RELN: variants seen among roughly 807,000 people sequenced by gnomAD.
RELN encodes reelin.
Under a neutral mutation model 427.6 loss-of-function variants are expected in RELN, and 108 were observed. That is an observed-to-expected ratio of 0.25 (90% CI 0.22 to 0.30). The LOEUF is 0.30. Among genes scored for constraint, RELN ranks in the 10% least tolerant of loss-of-function variants. The pLI, the probability that RELN is intolerant of heterozygous loss-of-function variation, is 1.00. For missense variants in RELN, 3,715 were observed against 4,302.8 expected (o/e 0.86, Z 3.82); for synonymous variants, 1,524 against 1,513.4 (o/e 1.01, Z -0.16).
chr7:103,728,494 C>A (rs1790269814), intron 6 of RELN, among the ~76,000 whole-genome samples: 1 of 152,060 alleles, frequency 6.6e-6, no homozygotes, highest in African/African-American at 2.4e-5. Flanking sequence ...TGATCTAAAT[C>A]TCACATAGTT....
intron 12 of RELN, among the ~76,000 whole-genome samples, chr7:103,655,111 C>A (rs78690424): frequency 6.6e-6 from 1 of 151,946 alleles, no homozygotes; most frequent in Non-Finnish European, 1.5e-5. Context: ...CACGCCTAGT[C>A]CCAGTCAACA....
chr7:103,880,552 G>A (rs928438183), intron 2 of RELN, among the ~76,000 whole-genome samples: 1 of 152,152 alleles, frequency 6.6e-6, no homozygotes, highest in African/African-American at 2.4e-5. Context: ...TTAAGAGCAC[G>A]AGCTCTGACA....
At chr7:103,965,810 A>G (rs1276862477) in intron 1 of RELN, among the ~76,000 whole-genome samples, 1 of 152,186 alleles carries the variant, frequency 6.6e-6, no homozygotes, top group Non-Finnish European at 1.5e-5. Flanking sequence ...AAAAGATTTT[A>G]TTTTATACCC....
intron 2 of RELN, among the ~76,000 whole-genome samples, chr7:103,855,792 A>G (rs975982137): frequency 2.0e-5 from 3 of 152,114 alleles, no homozygotes; most frequent in African/African-American, 7.2e-5. Context: ...CCATCTTAAC[A>G]TGGCATTCTC....
At chr7:103,740,071 G>A (rs999234119) in intron 6 of RELN, among the ~76,000 whole-genome samples, 1 of 152,072 alleles carries the variant, frequency 6.6e-6, no homozygotes, top group Non-Finnish European at 1.5e-5. Flanking sequence ...GGGACCAGAG[G>A]TGCATCCTCA....
intron 6 of RELN, among the ~76,000 whole-genome samples, chr7:103,738,061 G>C (rs1790538835): frequency 6.7e-6 from 1 of 149,816 alleles, no homozygotes; most frequent in Non-Finnish European, 1.5e-5. Flanking sequence ...GGACATCTCT[G>C]CTATTATTAT....
chr7:103,898,396 A>G lies in RELN; in HGVS notation c.337+18679T>C, dbSNP rs145238357. 2.5e-3 allele frequency among the ~76,000 whole-genome samples: 373 copies of G among 152,168 alleles called. 2 individuals carry two copies. The highest frequency in any genetic ancestry group is 8.5e-3 in the African/African-American group (355 of 41,540). On this transcript the variant is annotated intron_variant, in intron 2 of 64. Transcript: ENST00000428762. Reference sequence around the variant, plus strand: ...AAATTTTTCAAAATTTTCCTATCATAGTGTTTTGATGAACAATGATATACA... The same window carrying G: ...AAATTTTTCAAAATTTTCCTATCATGGTGTTTTGATGAACAATGATATACA...
chr7:103,915,177 G>C (rs529489796), intron 2 of RELN, among the ~76,000 whole-genome samples: 1 of 151,844 alleles, frequency 6.6e-6, no homozygotes, highest in Non-Finnish European at 1.5e-5. Context: ...CTTTCCTTTG[G>C]GTATGCTGTG....
At chr7:103,490,184 C>T (rs902711993) in intron 59 of RELN, among the ~76,000 whole-genome samples, 6 of 152,290 alleles carry the variant, frequency 3.9e-5, no homozygotes, top group African/African-American at 1.4e-4. Flanking sequence ...ACAGGTGTAT[C>T]GTTTTCCAAA....
intron 40 of RELN, among the ~76,000 whole-genome samples, chr7:103,552,957 TATTA>T (rs1482696490): frequency 2.0e-5 from 3 of 152,120 alleles, no homozygotes; most frequent in African/African-American, 7.2e-5. Flanking sequence ...TTATGTTAAT[TATTA>T]ATTTGCTCTC....
At chr7:103,894,066 G>C (rs777565062) in intron 2 of RELN, among the ~76,000 whole-genome samples, 1 of 151,984 alleles carries the variant, frequency 6.6e-6, no homozygotes, top group Non-Finnish European at 1.5e-5. Context: ...TGTTAAATGC[G>C]CATGTACAAC....
At chr7:103,910,097 G>A (rs1295584193) in intron 2 of RELN, among the ~76,000 whole-genome samples, 5 of 124,040 alleles carry the variant, frequency 4.0e-5, no homozygotes, top group African/African-American at 1.3e-4. Context: ...TTGAGCAGTG[G>A]TTTGTAGTTC....
intron 41 of RELN, among the ~76,000 whole-genome samples, chr7:103,550,273 A>G (rs1830383598): frequency 6.6e-6 from 1 of 152,206 alleles, no homozygotes; most frequent in Non-Finnish European, 1.5e-5. Context: ...TGAAGACTCA[A>G]GACTTCTAAT....
chr7:103,567,977 T>C (rs539959590), intron 31 of RELN, among the ~76,000 whole-genome samples: 11 of 152,092 alleles, frequency 7.2e-5, no homozygotes, highest in Non-Finnish European at 1.5e-4. Flanking sequence ...TTGTACTTTT[T>C]GTAAAGACGG....
intron 3 of RELN, among the ~76,000 whole-genome samples, chr7:103,793,061 A>G (rs891798952): frequency 6.6e-6 from 1 of 152,220 alleles, no homozygotes; most frequent in African/African-American, 2.4e-5. Flanking sequence ...AGGAAACTAT[A>G]AAGCCTCAAA....
intron 16 of RELN, among the ~76,000 whole-genome samples, chr7:103,646,766 C>T (rs1832805317): frequency 6.6e-6 from 1 of 151,914 alleles, no homozygotes; most frequent in African/African-American, 2.4e-5. Flanking sequence ...ATAACTCATT[C>T]TATGAAGTCA....
Position 103,620,946 on chromosome 7 carries a change from A to T in RELN, c.2702+8994T>A, listed in dbSNP as rs925053750. 6.6e-5 allele frequency among the ~76,000 whole-genome samples: 10 copies of T among 152,220 alleles called. No individual in the cohort carries two copies. The highest frequency in any genetic ancestry group is 2.2e-4 in the African/African-American group (9 of 41,456). ...ACAGCCCTGGCTGAAAACATTTAGC[A>T]TGGAGGGGAGAGAGAAAATACACGA... On this transcript the variant is annotated intron_variant, in intron 20 of 64. Transcript: ENST00000428762. The surrounding 1 kb of genome is among the most constrained non-coding windows in gnomAD (Gnocchi z 4.1).
At chr7:103,952,349 C>G (rs1047036861) in intron 1 of RELN, among the ~76,000 whole-genome samples, 3 of 152,178 alleles carry the variant, frequency 2.0e-5, no homozygotes, top group African/African-American at 7.2e-5. Context: ...TGATTCCTGA[C>G]ATTGCAGATA....
intron 20 of RELN, among the ~76,000 whole-genome samples, chr7:103,622,690 A>C (rs1832247323): frequency 6.6e-6 from 1 of 152,108 alleles, no homozygotes; most frequent in African/African-American, 2.4e-5. Flanking sequence ...CTAGACTCTA[A>C]TGCCTCCCAA....
Sources: allele counts gnomAD v4.1 joint callset (sites outside exome capture counted in the v4.1 genomes callset), GRCh38; gene constraint gnomAD v4.1.1; non-coding constraint Gnocchi (gnomAD v3.1); transcripts MANE v1.5; gene names NCBI Gene and HGNC (gene_info 2026-07-23, HGNC 2026-07-21).